RBFOX1: variants seen among roughly 807,000 people sequenced by gnomAD.
RBFOX1 encodes RNA binding fox-1 homolog 1.
Under a neutral mutation model 57.7 loss-of-function variants are expected in RBFOX1, and 8 were observed. The observed-to-expected ratio is 0.14, with a 90% CI of 0.08 to 0.25. The LOEUF (loss-of-function observed/expected upper bound fraction) is 0.25. Among genes scored for constraint, RBFOX1 ranks in the 10% least tolerant of loss-of-function variants. The pLI is 1.00. For missense variants in RBFOX1, 611 were observed against 548.5 expected (o/e 1.11, Z -1.14); for synonymous variants, 326 against 222.4 (o/e 1.47, Z -4.15).
intron 4 of RBFOX1, among the ~76,000 whole-genome samples, chr16:6,009,359 C>T (rs892150146): frequency 5.9e-5 from 9 of 152,178 alleles, no homozygotes; most frequent in African/African-American, 1.9e-4. Flanking sequence ...GAAGCACGTT[C>T]CACAGGGCTT....
intron 2 of RBFOX1, among the ~76,000 whole-genome samples, chr16:5,512,409 CCTCT>C (rs1567178864): frequency 4.6e-5 from 6 of 130,844 alleles, no homozygotes; most frequent in African/African-American, 1.8e-4. Context: ...TCCTCCTACT[CCTCT>C]CTCTTTCTCT....
intron 4 of RBFOX1, among the ~76,000 whole-genome samples, chr16:7,056,559 C>T (rs577152107): frequency 7.9e-5 from 12 of 152,218 alleles, no homozygotes; most frequent in African/African-American, 2.9e-4. Flanking sequence ...AACAGATGGA[C>T]AAATAAACAA....
intron 4 of RBFOX1, among the ~76,000 whole-genome samples, chr16:7,426,122 C>A (rs1010879774): frequency 1.3e-5 from 2 of 152,220 alleles, no homozygotes; most frequent in African/African-American, 2.4e-5. Context: ...AAAAAGCCAG[C>A]GTGCAGGCTC....
intron 2 of RBFOX1, among the ~76,000 whole-genome samples, chr16:6,434,160 A>G (rs1023024855): frequency 6.6e-6 from 1 of 152,000 alleles, no homozygotes; most frequent in African/African-American, 2.4e-5. Flanking sequence ...TTCTAAGGGC[A>G]CTTGTGATAA....
intron 1 of RBFOX1, among the ~76,000 whole-genome samples, chr16:6,077,981 G>C (rs2095935186): frequency 6.6e-6 from 1 of 152,126 alleles, no homozygotes; most frequent in South Asian, 2.1e-4. Context: ...AAAATGGAGA[G>C]AACTTTAATT....
At chr16:7,322,630 T>C (rs1347494630) in intron 4 of RBFOX1, among the ~76,000 whole-genome samples, 2 of 152,186 alleles carry the variant, frequency 1.3e-5, no homozygotes, top group African/African-American at 4.8e-5. Context: ...CGCAGTTTTC[T>C]GGGATGAGGG....
intron 4 of RBFOX1, among the ~76,000 whole-genome samples, chr16:7,384,755 A>T (rs750800030): frequency 4.6e-5 from 7 of 152,354 alleles, no homozygotes; most frequent in Non-Finnish European, 1.0e-4. Flanking sequence ...CACTCAACAA[A>T]TATTTATTGA....
intron 2 of RBFOX1, among the ~76,000 whole-genome samples, chr16:6,512,518 G>T (rs1346482282): frequency 1.3e-5 from 2 of 152,132 alleles, no homozygotes; most frequent in African/African-American, 4.8e-5. Flanking sequence ...CTAATGTAGA[G>T]GGTCTGGACC....
At chr16:6,698,729 A>C (rs953808666) in intron 3 of RBFOX1, among the ~76,000 whole-genome samples, 2 of 152,146 alleles carry the variant, frequency 1.3e-5, no homozygotes, top group Non-Finnish European at 2.9e-5. Context: ...AGCCGTTCTC[A>C]AATCCCACAT....
chr16:7,568,923 T>C (rs935786942), intron 5 of RBFOX1, among the ~76,000 whole-genome samples: 1 of 150,058 alleles, frequency 6.7e-6, no homozygotes, highest in African/African-American at 2.4e-5. Flanking sequence ...CTTAAAACTG[T>C]CTGGGAATGC....
intron 1 of RBFOX1, among the ~76,000 whole-genome samples, chr16:6,210,018 T>G (rs946384401): frequency 6.6e-6 from 1 of 151,644 alleles, no homozygotes; most frequent in South Asian, 2.1e-4. Flanking sequence ...CATGACAAAG[T>G]TAGAAATCTT....
intron 3 of RBFOX1, among the ~76,000 whole-genome samples, chr16:5,855,067 G>T (rs1032323365): frequency 4.6e-5 from 7 of 152,080 alleles, no homozygotes; most frequent in Non-Finnish European, 8.8e-5. Context: ...TTTTGTAATT[G>T]TATGTGTGTT....
At position 6,165,214 on chromosome 16, in the gene RBFOX1, G is replaced by A. The variant is rs1036056874; in HGVS notation, c.-127+145222G>A. 4.6e-5 allele frequency among the ~76,000 whole-genome samples: 7 copies of A among 152,230 alleles called. No homozygotes were observed. In the East Asian group the frequency reaches 9.7e-4, roughly 21 times the overall value. Reference sequence around the variant, plus strand: ...TACCCTGTAGACGGAACAAGATAATGTAAAATGATGAATGAAAGGCTTTAC... The same window carrying A: ...TACCCTGTAGACGGAACAAGATAATATAAAATGATGAATGAAAGGCTTTAC... On this transcript the variant is annotated intron_variant, in intron 1 of 15. Transcript: ENST00000550418.
chr16:6,863,725 CTTT>C (rs71408412), intron 3 of RBFOX1, among the ~76,000 whole-genome samples: 1,561 of 67,636 alleles, frequency 0.023, 89 homozygotes, highest in African/African-American at 0.11. Flanking sequence ...GATGCCTGCG[CTTT>C]TTTTTTTTTT....
At chr16:6,654,006 T>G (rs2098625883) in intron 2 of RBFOX1, among the ~76,000 whole-genome samples, 1 of 144,116 alleles carries the variant, frequency 6.9e-6, no homozygotes, top group African/African-American at 2.6e-5. Context: ...GATGGATGGA[T>G]AGAGGAAGGG....
rs574076700 is a variant in RBFOX1, at chr16:5,308,858, C to T, written c.219+68753C>T. Among the ~76,000 whole-genome samples the T allele has an allele frequency of 9.9e-5, 15 of 152,206 alleles. 1 individual carries two copies. The South Asian group carries it at 1.0e-3, about 11-fold the overall frequency. On this transcript the variant is annotated intron_variant, in intron 1 of 2. Transcript: ENST00000585867. The stretch of plus-strand genomic sequence containing the variant: ...CAGATTCCCAGTGCTCCAATTTGCA[C>T]GGCACCGCTGTTGTCCTGAGACCTC...
intron 3 of RBFOX1, among the ~76,000 whole-genome samples, chr16:6,778,009 T>G (rs1168306077): frequency 6.6e-6 from 1 of 152,156 alleles, no homozygotes; most frequent in African/African-American, 2.4e-5. Context: ...AATATACATT[T>G]ATGCTCCATG....
intron 4 of RBFOX1, among the ~76,000 whole-genome samples, chr16:7,231,779 G>A (rs1487653648): frequency 1.3e-5 from 2 of 152,186 alleles, no homozygotes; most frequent in Admixed American, 6.5e-5. Context: ...AAACACTGTG[G>A]TAAGTAAAAG....
At chr16:7,527,638 A>C (rs1392541596) in intron 5 of RBFOX1, among the ~76,000 whole-genome samples, 1 of 152,176 alleles carries the variant, frequency 6.6e-6, no homozygotes, top group Non-Finnish European at 1.5e-5. Context: ...GAGTGGGACC[A>C]TAGGCACGTT....
Sources: gnomAD v4.1 joint callset for allele counts (sites outside exome capture counted in the v4.1 genomes callset) on GRCh38, gnomAD v4.1.1 for gene constraint, MANE v1.5 for transcripts, NCBI Gene and HGNC (gene_info 2026-07-23, HGNC 2026-07-21) for gene names.